Variants in PLEKHM1 observed in about 807,000 individuals in gnomAD.
The protein encoded by PLEKHM1 is pleckstrin homology domain-containing family M member 1.
PLEKHM1 carries 28 observed loss-of-function variants against 94.3 expected under a neutral mutation model. The ratio of observed to expected loss-of-function variants is 0.30; its 90% CI spans 0.22 to 0.41. The LOEUF (loss-of-function observed/expected upper bound fraction) is 0.41. Among genes scored for constraint, PLEKHM1 ranks in the 10% least tolerant of loss-of-function variants. The pLI is 1.00. For missense variants in PLEKHM1, 907 were observed against 1,358.6 expected, an observed-to-expected ratio of 0.67 and a Z score of 5.22; for synonymous variants, 424 against 581.2, an observed-to-expected ratio of 0.73 and a Z score of 3.89.
intron 3 of PLEKHM1, among the ~76,000 whole-genome samples, chr17:45,476,634 G>C (rs922578882): frequency 3.3e-5 from 5 of 152,148 alleles, no homozygotes; most frequent in African/African-American, 1.2e-4. Flanking sequence ...CAGTCTCCAG[G>C]CTAGCATCTG....
chr17:45,454,827 GC>G (rs895204687), intron 6 of PLEKHM1: 2 of 195,456 alleles, frequency 1.0e-5, no homozygotes, highest in Non-Finnish European at 2.1e-5. Flanking sequence ...GTTTGAAGAG[GC>G]ATCAAAACTG....
At chr17:45,480,738 G>GC (rs1365168915) in intron 2 of PLEKHM1, among the ~76,000 whole-genome samples, 1 of 152,182 alleles carries the variant, frequency 6.6e-6, no homozygotes, top group Admixed American at 6.5e-5. Context: ...TCATGTTGTA[G>GC]CATGTATCAG....
chr17:45,467,332 T>A (rs888918235), intron 5 of PLEKHM1, among the ~76,000 whole-genome samples: 1 of 152,250 alleles, frequency 6.6e-6, no homozygotes, highest in East Asian at 1.9e-4. Context: ...ATCCAGCGCT[T>A]ATTTCACATG....
At chr17:45,449,535 C>T (rs1340162239) in intron 8 of PLEKHM1, among the ~76,000 whole-genome samples, 2 of 151,838 alleles carry the variant, frequency 1.3e-5, no homozygotes, top group East Asian at 3.9e-4. Context: ...TCTAGGCACC[C>T]ATCTACCTAC....
rs752002952 is a variant in PLEKHM1 at position 45,475,593 on chromosome 17, G to A, written c.430C>T (p.Arg144Cys). Residue 144 changes from arginine (R) to cysteine (C), a missense_variant, in exon 4 of 12, where the codon CGC becomes TGC. Arg to Cys is a radical substitution (Grantham distance 180, BLOSUM62 -3). This residue lies in a region of PLEKHM1 where 176 missense variants were observed against 306.0 expected (regional missense o/e 0.58). Coordinates refer to ENST00000430334, the MANE Select transcript of PLEKHM1 (RefSeq NM_014798.3). ...GTGGGCTGGTAGTACTCATGCAAGC[G>A]GGCCTGCTCCTGCAGCAGCAGCTTC... ...YLKLLLQEQA[R>C]LHEYYQPTAL... 22 of 1,613,962 alleles carry A rather than the reference G, an allele frequency of 1.4e-5. No homozygotes were observed. The highest frequency in any genetic ancestry group is 4.5e-5 in the East Asian group (2 of 44,868).
At chr17:45,477,871 A>T in intron 3 of PLEKHM1, 29 bp downstream of exon 3, 1 of 1,612,608 alleles carries the variant, frequency 6.2e-7, no homozygotes, top group East Asian at 2.2e-5. Context: ...GCTCCTCCGC[A>T]AAGCAAAACC....
chr17:45,435,947 C>G lies in PLEKHM1; in HGVS notation c.*1911G>C, dbSNP rs1194375552. 6.6e-6 allele frequency: 3 copies of G among 456,412 alleles called. No homozygotes were observed. Among genetic ancestry groups the G allele is most frequent in the South Asian group, 4.6e-5 (3 of 64,556 alleles). The allele number at this position is 456,412 out of a possible 1,614,324, so 28.3% of individuals were successfully genotyped here. A position where few individuals can be genotyped will look rare whatever the true frequency, so the allele number is the denominator to read the frequency against. On this transcript the variant is annotated 3_prime_UTR_variant, in exon 12 of 12. Coordinates refer to ENST00000430334, the MANE Select transcript of PLEKHM1 (RefSeq NM_014798.3). ...ACTGCAAAATCATTCAAAACTCACA[C>G]GGCAGCAATTCCTTCAATACATTGC... is the stretch of plus-strand genomic sequence containing the variant.
At chr17:45,438,924 G>A (rs976860313) in intron 11 of PLEKHM1, among the ~76,000 whole-genome samples, 6 of 152,218 alleles carry the variant, frequency 3.9e-5, no homozygotes, top group African/African-American at 9.7e-5. Flanking sequence ...AGTGGACACC[G>A]ACAGAAAAAG....
At chr17:45,488,666 C>T (rs1352595800) in intron 1 of PLEKHM1, among the ~76,000 whole-genome samples, 2 of 152,136 alleles carry the variant, frequency 1.3e-5, no homozygotes, top group Non-Finnish European at 2.9e-5. Context: ...CAGCCAGGTG[C>T]GGCGGCTCAC....
At chr17:45,451,466 C>A (rs2050772544) in intron 7 of PLEKHM1, among the ~76,000 whole-genome samples, 1 of 152,206 alleles carries the variant, frequency 6.6e-6, no homozygotes, top group Admixed American at 6.5e-5. Flanking sequence ...CAAGGGCAGG[C>A]AGAAGGGTCC....
chr17:45,453,821 G>C lies in PLEKHM1; in HGVS notation c.2031C>G (p.Ala677=), dbSNP rs779480934. 4.3e-6 allele frequency: 7 copies of C among 1,613,982 alleles called. No individual in the cohort carries two copies. The highest frequency in any genetic ancestry group is 5.9e-6 in the Non-Finnish European group (7 of 1,179,858). ...LQGTQFDWSS[A]QVPEPDAIKE... is the part of the protein sequence containing the mutation. ...TGATGGCATCTGGCTCTGGAACCTG[G>C]GCGGACGACCAGTCAAACTGTGTGC... The change falls in exon 7 of 12, where the codon GCC becomes GCG. Residue 677 remains alanine (A), a synonymous_variant. Transcript: ENST00000430334. This position sits in a 1 kb window ranked among gnomAD's most constrained non-coding sequence, Gnocchi z 4.1.
intron 4 of PLEKHM1, among the ~76,000 whole-genome samples, chr17:45,469,269 T>C (rs912856445): frequency 1.3e-5 from 2 of 152,290 alleles, no homozygotes; most frequent in South Asian, 2.1e-4. Flanking sequence ...TCACTCTCTA[T>C]GGTGGGACTG....
intron 10 of PLEKHM1, 26 bp from the exon 11 acceptor site, chr17:45,439,660 C>T (rs368491291): frequency 3.1e-6 from 5 of 1,611,992 alleles, no homozygotes; most frequent in Middle Eastern, 1.6e-4. Context: ...AGGAATCCTT[C>T]ATACACCCCG....
At position 45,482,471 on chromosome 17, in the gene PLEKHM1, A is replaced by G; in HGVS notation, c.14T>C (p.Val5Ala). 1 of 1,217,178 alleles carries G rather than the reference A, an allele frequency of 8.2e-7. No individual in the cohort carries two copies. Among genetic ancestry groups the G allele is most frequent in the Non-Finnish European group, 1.2e-6 (1 of 830,866 alleles). 75.4% of individuals were successfully genotyped at this position (1,217,178 alleles called of 1,614,324 possible). ...AGCCTGGGGGTCCAGTCCATTCTCC[A>G]CCACTGAAAGCATCTCCACTCACGC... The part of the protein sequence containing the change: MLSV[V>A]ENGLDPQAAI... The change falls in exon 2 of 12, where the codon GTG (valine) becomes GCG (alanine). Residue 5 changes from valine to alanine, a missense_variant. Val to Ala is a moderately conservative substitution (Grantham distance 64, BLOSUM62 0). Transcript: ENST00000430334.
intron 5 of PLEKHM1, among the ~76,000 whole-genome samples, chr17:45,465,834 G>A (rs2051304027): frequency 6.6e-6 from 1 of 152,008 alleles, no homozygotes; most frequent in Non-Finnish European, 1.5e-5. Flanking sequence ...CACCAGCTTT[G>A]AGGCCCTGGC....
intron 4 of PLEKHM1, among the ~76,000 whole-genome samples, chr17:45,472,499 G>T (rs2051549561): frequency 6.6e-6 from 1 of 152,178 alleles, no homozygotes; most frequent in Admixed American, 6.5e-5. Flanking sequence ...TGGCTGGTCT[G>T]CAGAGGAGGC....
chr17:45,451,227 G>A (rs781400922), intron 7 of PLEKHM1, among the ~76,000 whole-genome samples: 1 of 152,246 alleles, frequency 6.6e-6, no homozygotes, highest in African/African-American at 2.4e-5. Flanking sequence ...AGTAGCTGGG[G>A]GACAGGGACC....
intron 6 of PLEKHM1, among the ~76,000 whole-genome samples, chr17:45,455,996 C>G (rs1411027493): frequency 6.6e-6 from 1 of 152,190 alleles, no homozygotes; most frequent in East Asian, 1.9e-4. Flanking sequence ...CTCCACTGTC[C>G]CTGGATGTGT....
At chr17:45,487,105 G>A (rs1237760043) in intron 1 of PLEKHM1, among the ~76,000 whole-genome samples, 3 of 152,314 alleles carry the variant, frequency 2.0e-5, no homozygotes, top group Non-Finnish European at 4.4e-5. Flanking sequence ...TGAACATGAC[G>A]GGTGAAATCT....
Sources: allele counts gnomAD v4.1 joint callset (sites outside exome capture counted in the v4.1 genomes callset), GRCh38; gene constraint gnomAD v4.1.1; regional missense constraint gnomAD v4.1.1; non-coding constraint Gnocchi (gnomAD v3.1); transcripts MANE v1.5; gene names NCBI Gene and HGNC (gene_info 2026-07-23, HGNC 2026-07-21).